The following ZFYVE1 variants were observed in gnomAD, a reference collection of about 807,000 sequenced individuals.
ZFYVE1 encodes zinc finger FYVE domain-containing protein 1.
A neutral mutation model predicts 74.4 loss-of-function variants in ZFYVE1; 30 were observed. The observed-to-expected ratio is 0.40, with a 90% CI of 0.30 to 0.55. The LOEUF (loss-of-function observed/expected upper bound fraction) is 0.55. Among genes scored for constraint, ZFYVE1 ranks in the 20% least tolerant of loss-of-function variants. The probability of loss-of-function intolerance (pLI) is 0.42; values close to 1 mark genes in which losing one functional copy is unlikely to be tolerated. For missense variants in ZFYVE1, 703 were observed against 1,011.6 expected (o/e 0.69, Z 4.14); for synonymous variants, 335 against 385.1 (o/e 0.87, Z 1.52).
intron 1 of ZFYVE1, among the ~76,000 whole-genome samples, chr14:73,026,078 T>C (rs185322919): frequency 1.5e-3 from 228 of 151,650 alleles, no homozygotes; most frequent in Non-Finnish European, 2.9e-3. Flanking sequence ...AACAATTTCA[T>C]CTTTAAAAAC....
intron 11 of ZFYVE1, among the ~76,000 whole-genome samples, chr14:72,971,375 C>A (rs1443471682): frequency 6.6e-6 from 1 of 152,104 alleles, no homozygotes; most frequent in African/African-American, 2.4e-5. Flanking sequence ...CTCATTCTGT[C>A]GCCCAGGTTG....
intron 4 of ZFYVE1, among the ~76,000 whole-genome samples, chr14:72,984,273 G>A (rs1432545628): frequency 2.0e-5 from 3 of 152,212 alleles, no homozygotes; most frequent in East Asian, 3.8e-4. Context: ...GCTCATGCCT[G>A]TAATCCCAGC....
intron 8 of ZFYVE1, among the ~76,000 whole-genome samples, chr14:72,976,507 G>A (rs1458374290): frequency 2.0e-5 from 3 of 152,142 alleles, no homozygotes; most frequent in African/African-American, 2.4e-5. Flanking sequence ...GAAATCGGCC[G>A]GGTGCGATGG....
chr14:72,974,285 G>T, intron 10 of ZFYVE1, 92 bp from the exon 11 acceptor site: 2 of 1,183,502 alleles, frequency 1.7e-6, no homozygotes, highest in Non-Finnish European at 1.2e-6. Flanking sequence ...TCTGGATTCT[G>T]ATCCCAGACA....
chr14:73,024,670 C>A lies in ZFYVE1; in HGVS notation c.-162G>T. The A allele has an allele frequency of 3.7e-6, 4 of 1,081,336 alleles. No individual in the cohort carries two copies. The highest frequency in any genetic ancestry group is 5.0e-6 in the Non-Finnish European group (4 of 797,746). The allele number at this position is 1,081,336 out of a possible 1,614,324, so 67.0% of individuals were successfully genotyped here. On this transcript the variant is annotated 5_prime_UTR_variant, in exon 2 of 12. Coordinates refer to ENST00000556143, the MANE Select transcript of ZFYVE1 (RefSeq NM_021260.4). ...ATGTCCTGTTATAGTTCTTCACAAA[C>A]AAATGTTCAAATTTTTAATTTGCTG... is the stretch of plus-strand genomic sequence containing the variant.
chr14:72,983,390 C>A (rs60245507), intron 4 of ZFYVE1, among the ~76,000 whole-genome samples: 3 of 141,542 alleles, frequency 2.1e-5, no homozygotes, highest in East Asian at 2.2e-4. Flanking sequence ...GATGTTCCCC[C>A]CCTTCCTGTG....
intron 3 of ZFYVE1, among the ~76,000 whole-genome samples, chr14:72,994,148 C>T (rs1205674322): frequency 6.6e-6 from 1 of 150,632 alleles, no homozygotes; most frequent in African/African-American, 2.4e-5. Context: ...CGTGGTAAAA[C>T]CCCATCTCTA....
intron 4 of ZFYVE1, among the ~76,000 whole-genome samples, chr14:72,985,703 C>T (rs111386751): frequency 0.027 from 4,124 of 151,038 alleles, 171 homozygotes; most frequent in African/African-American, 0.093. Context: ...AATATAGAAG[C>T]CACTACAGAA....
Position 72,970,745 on chromosome 14 carries a change from G to C in ZFYVE1, c.*137C>G. 3.0e-6 allele frequency: 3 copies of C among 983,934 alleles called. No homozygotes were observed. The highest frequency in any genetic ancestry group is 4.5e-6 in the Non-Finnish European group (3 of 668,248). The allele number at this position is 983,934 out of a possible 1,614,324, so 61.0% of individuals were successfully genotyped here. A position where few individuals can be genotyped will look rare whatever the true frequency, so the allele number is the denominator to read the frequency against. Reference sequence around the variant, plus strand: ...GCCTGCCGCCAGGCTCACCCCCACTGAGGGAAAGTGGCCCTGGATGCGGAG... The same window carrying C: ...GCCTGCCGCCAGGCTCACCCCCACTCAGGGAAAGTGGCCCTGGATGCGGAG... On this transcript the variant is annotated 3_prime_UTR_variant, in exon 12 of 12. Transcript: ENST00000556143.
At chr14:73,015,156 G>A (rs753576062) in intron 2 of ZFYVE1, among the ~76,000 whole-genome samples, 17 of 148,664 alleles carry the variant, frequency 1.1e-4, no homozygotes, top group East Asian at 4.0e-4. Flanking sequence ...GCACGAACCC[G>A]GGAAGCAGAG....
chr14:72,978,001 G>C lies in ZFYVE1; in HGVS notation c.1561C>G (p.Arg521Gly). The C allele has an allele frequency of 6.2e-7, 1 of 1,614,130 alleles. No individual in the cohort carries two copies. Among genetic ancestry groups the C allele is most frequent in the Non-Finnish European group, 8.5e-7 (1 of 1,180,024 alleles). ...TCTTGGTTTCCAAACCAGTACTGCC[G>C]ACTACGATAGACCACGCCACAGTTA... is the stretch of plus-strand genomic sequence containing the variant. ...CPNCGVVYRSRQYWFGNQDPV... is the reference protein window; with the variant it reads ...CPNCGVVYRSGQYWFGNQDPV... The change falls in exon 8 of 12, where the codon CGG becomes GGG. Residue 521 changes from arginine to glycine, a missense_variant. Arg to Gly is a moderately radical substitution (Grantham distance 125). This residue lies in a region of ZFYVE1 where 492 missense variants were observed against 790.0 expected (regional missense o/e 0.62). Coordinates refer to ENST00000556143, the MANE Select transcript of ZFYVE1 (RefSeq NM_021260.4).
At position 73,024,086 on chromosome 14, in the gene ZFYVE1, C is replaced by T; in HGVS notation, c.423G>A (p.Arg141=). ...TCACAACCTTCTCAGTCATCTTCTTCCTCTTGGTCTCCTCATCCATCTCTT... is the reference window on the plus strand; with the variant it reads ...TCACAACCTTCTCAGTCATCTTCTTTCTCTTGGTCTCCTCATCCATCTCTT... The part of the protein sequence containing the change: ...EAEEMDEETK[R]KKMTEKVVSF... Residue 141 remains arginine (R), a synonymous_variant, in exon 2 of 12, where the codon AGG becomes AGA. Transcript: ENST00000556143. 1 of 1,614,172 alleles carries T rather than the reference C, an allele frequency of 6.2e-7. No individual in the cohort carries two copies. Among genetic ancestry groups the T allele is most frequent in the Non-Finnish European group, 8.5e-7 (1 of 1,180,044 alleles).
chr14:73,022,127 C>T (rs946250927), intron 2 of ZFYVE1, among the ~76,000 whole-genome samples: 2 of 152,168 alleles, frequency 1.3e-5, no homozygotes, highest in African/African-American at 4.8e-5. Flanking sequence ...TCCACAATGT[C>T]GCCCAATTAC....
At position 72,996,550 on chromosome 14, in the gene ZFYVE1, C is replaced by A. The variant is rs557066475; in HGVS notation, c.988+1261G>T. 3.3e-5 allele frequency among the ~76,000 whole-genome samples: 5 copies of A among 152,294 alleles called. No homozygotes were observed. In the East Asian group the frequency reaches 9.7e-4, roughly 29 times the overall value. Reference sequence around the variant, plus strand: ...CTGAGATTACAGGTGTGAGCCACCACACCCAGCCCTACCTGCAGTTCTCTG... The same window carrying A: ...CTGAGATTACAGGTGTGAGCCACCAAACCCAGCCCTACCTGCAGTTCTCTG... On this transcript the variant is annotated intron_variant, in intron 3 of 11. Coordinates refer to ENST00000556143, the MANE Select transcript of ZFYVE1 (RefSeq NM_021260.4).
chr14:72,978,142 C>A lies in ZFYVE1; in HGVS notation c.1512G>T (p.Trp504Cys). 1 of 1,614,190 alleles carries A rather than the reference C, an allele frequency of 6.2e-7. No individual in the cohort carries two copies. Among genetic ancestry groups the A allele is most frequent in the Non-Finnish European group, 8.5e-7 (1 of 1,180,034 alleles). The change falls in exon 7 of 12, where the codon TGG becomes TGT. Residue 504 changes from tryptophan to cysteine, a missense_variant. By Grantham distance (215) the Trp-to-Cys change is radical (BLOSUM62 -2). This residue lies in a region of ZFYVE1 where 492 missense variants were observed against 790.0 expected (regional missense o/e 0.62). Transcript: ENST00000556143. ...SPWMGLAKYA[W>C]SGYVIECPNC... ...GCCATGTTGTTTAAACTCACCCAGA[C>A]CAGGCATATTTTGCGAGACCCATCC...
chr14:73,017,249 T>TTC (rs1348197571), intron 2 of ZFYVE1, among the ~76,000 whole-genome samples: 1 of 152,238 alleles, frequency 6.6e-6, no homozygotes, highest in Non-Finnish European at 1.5e-5. Flanking sequence ...ATCGATCACT[T>TTC]TCTTAGTGTC....
chr14:73,002,149 T>G (rs1308539529), intron 2 of ZFYVE1, among the ~76,000 whole-genome samples: 1 of 151,926 alleles, frequency 6.6e-6, no homozygotes, highest in South Asian at 2.1e-4. Flanking sequence ...CTTGAAAACA[T>G]GGTAAGTGAA....
chr14:72,994,949 T>C (rs1893709965), intron 3 of ZFYVE1, among the ~76,000 whole-genome samples: 1 of 152,198 alleles, frequency 6.6e-6, no homozygotes, highest in Non-Finnish European at 1.5e-5. Context: ...TATAAGGGTA[T>C]TTGCTTGCCC....
At chr14:72,981,643 G>A in intron 5 of ZFYVE1, 146 bp downstream of exon 5, 1 of 722,870 alleles carries the variant, frequency 1.4e-6, no homozygotes, top group East Asian at 2.6e-5. Context: ...GAACATGGGA[G>A]TGTACCATTT....
Sources: allele counts gnomAD v4.1 joint callset (sites outside exome capture counted in the v4.1 genomes callset), GRCh38; gene constraint gnomAD v4.1.1; regional missense constraint gnomAD v4.1.1; transcripts MANE v1.5; gene names NCBI Gene and HGNC (gene_info 2026-07-23, HGNC 2026-07-21).